The following HS6ST2 variants were observed in gnomAD, a reference collection of about 807,000 sequenced individuals.
HS6ST2 encodes heparan-sulfate 6-O-sulfotransferase 2.
Under a neutral mutation model 33.0 loss-of-function variants are expected in HS6ST2, and 17 were observed. The observed-to-expected ratio is 0.52, with a 90% CI of 0.35 to 0.77. HS6ST2 has a LOEUF of 0.77. Ranked by LOEUF, HS6ST2 falls within the 30% of genes least tolerant of loss-of-function variation. The pLI is 0.01. For missense variants in HS6ST2, 519 were observed against 551.7 expected, an observed-to-expected ratio of 0.94 and a Z score of 0.59; for synonymous variants, 248 against 237.1, an observed-to-expected ratio of 1.05 and a Z score of -0.42.
intron 4 of HS6ST2, among the ~76,000 whole-genome samples, chrX:132,651,575 G>A (rs781075099): frequency 1.7e-4 from 19 of 111,722 alleles, no homozygotes; most frequent in Non-Finnish European, 3.6e-4. Context: ...AAATATGTGG[G>A]GCAAAAACAG....
intron 2 of HS6ST2, among the ~76,000 whole-genome samples, chrX:132,888,149 T>A (rs982037078): frequency 8.9e-6 from 1 of 111,863 alleles, no homozygotes; most frequent in Non-Finnish European, 1.9e-5. Flanking sequence ...GTTGGTAGAT[T>A]TTTTTTAAGA....
chrX:132,690,987 G>A (rs1011303073), intron 3 of HS6ST2, among the ~76,000 whole-genome samples: 1 of 111,695 alleles, frequency 9.0e-6, no homozygotes, highest in Non-Finnish European at 1.9e-5. Context: ...CTATGTTATC[G>A]TTGGTCGCAT....
intron 4 of HS6ST2, among the ~76,000 whole-genome samples, chrX:132,642,098 C>T (rs1233709768): frequency 9.0e-6 from 1 of 111,363 alleles, no homozygotes; most frequent in East Asian, 2.8e-4. Context: ...GGGACCTCCA[C>T]AGAGACAAGA....
In HS6ST2 at chrX:132,814,766, C is replaced by T. The variant is rs147916969; in HGVS notation, c.948-106272G>A. Among the ~76,000 whole-genome samples, 30 of 111,945 alleles carry T rather than the reference C, an allele frequency of 2.7e-4. 1 individual carries two copies. The highest frequency in any genetic ancestry group is 9.4e-4 in the African/African-American group (29 of 30,845). ...GCCCCATCTATATTCAGGCTCGTCT[C>T]CCAGGACATCTTGCAAAACCCTATG... On this transcript the variant is annotated intron_variant, in intron 2 of 4. Coordinates refer to ENST00000370833, the MANE Select transcript of HS6ST2 (RefSeq NM_001394073.1).
rs144125633 is a variant in HS6ST2 at position 132,712,702 on chromosome X, A to C, written c.948-4208T>G. Among the ~76,000 whole-genome samples, 884 of 111,788 alleles carry C rather than the reference A, an allele frequency of 7.9e-3. 7 individuals are homozygous for C. The highest frequency in any genetic ancestry group is 0.027 in the African/African-American group (819 of 30,772). Reference sequence around the variant, plus strand: ...CTGCATGACACTGAAAAGGCAACTTAATCTCTCAGCCCTGATTTCCTCACC... The same window carrying C: ...CTGCATGACACTGAAAAGGCAACTTCATCTCTCAGCCCTGATTTCCTCACC... On this transcript the variant is annotated intron_variant, in intron 2 of 4. Transcript: ENST00000370833.
intron 3 of HS6ST2, among the ~76,000 whole-genome samples, chrX:132,671,583 T>A (rs2063880660): frequency 9.2e-6 from 1 of 109,089 alleles, no homozygotes; most frequent in South Asian, 4.1e-4. Flanking sequence ...CAGTAGGACA[T>A]CAGGGAAAGC....
chrX:132,930,659 T>A (rs1412004338), intron 2 of HS6ST2, among the ~76,000 whole-genome samples: 1 of 111,001 alleles, frequency 9.0e-6, no homozygotes, highest in African/African-American at 3.3e-5. Flanking sequence ...ATTAGGAGGA[T>A]CTCAATACAA....
intron 2 of HS6ST2, among the ~76,000 whole-genome samples, chrX:132,748,681 C>T (rs1205455138): frequency 8.9e-6 from 1 of 111,906 alleles, no homozygotes; most frequent in East Asian, 2.8e-4. Context: ...TGGCTCACTG[C>T]AGCCTTGATC....
chrX:132,641,790 G>T (rs936829803), intron 4 of HS6ST2, among the ~76,000 whole-genome samples: 1 of 111,828 alleles, frequency 8.9e-6, no homozygotes, highest in African/African-American at 3.2e-5. Context: ...CACAGCCTCA[G>T]GAGTCACAGG....
intron 3 of HS6ST2, among the ~76,000 whole-genome samples, chrX:132,691,570 G>A (rs1157875820): frequency 3.6e-5 from 4 of 111,681 alleles, no homozygotes; most frequent in Admixed American, 9.5e-5. Context: ...TAAGCACAGC[G>A]CAACCCCAAA....
intron 3 of HS6ST2, among the ~76,000 whole-genome samples, chrX:132,671,081 T>C (rs2063871832): frequency 8.9e-6 from 1 of 112,654 alleles, no homozygotes; most frequent in Non-Finnish European, 1.9e-5. Flanking sequence ...CATTTGGTGC[T>C]GCCTCTATCC....
Position 132,956,998 on chromosome X carries a change from C to G in HS6ST2, c.757G>C (p.Glu253Gln). The G allele has an allele frequency of 8.3e-7, 1 of 1,211,610 alleles. No individual in the cohort carries two copies. The highest frequency in any genetic ancestry group is 1.1e-6 in the Non-Finnish European group (1 of 895,283). Residue 253 changes from glutamate (E) to glutamine (Q), a missense_variant, in exon 2 of 5, where the codon GAG (glutamate) becomes CAG (glutamine). By Grantham distance (29) the Glu-to-Gln change is conservative. Coordinates refer to ENST00000370833, the MANE Select transcript of HS6ST2 (RefSeq NM_001394073.1). ...GRHLVRNIQL[E>Q]QPCECRVGQK... Reference sequence around the variant, plus strand: ...CCCACGCGGCACTCGCACGGCTGCTCCAGCTGGATGTTACGCACCAAGTGG... The same window carrying G: ...CCCACGCGGCACTCGCACGGCTGCTGCAGCTGGATGTTACGCACCAAGTGG...
At chrX:132,929,151 A>G (rs907951496) in intron 2 of HS6ST2, among the ~76,000 whole-genome samples, 15 of 111,613 alleles carry the variant, frequency 1.3e-4, no homozygotes, top group African/African-American at 4.2e-4. Context: ...TAGTAGACTC[A>G]GTAACATGAT....
At chrX:132,696,954 C>T (rs1318691631) in intron 3 of HS6ST2, among the ~76,000 whole-genome samples, 1 of 112,103 alleles carries the variant, frequency 8.9e-6, no homozygotes, top group Non-Finnish European at 1.9e-5. Context: ...CAAGAATTCA[C>T]TTTTAATTTG....
rs140900506 is a variant in HS6ST2, at chrX:132,817,928, A to G, written c.948-109434T>C. On this transcript the variant is annotated intron_variant, in intron 2 of 4. Transcript: ENST00000370833. ...TTCATGAATCATATTCATGCCTGGC[A>G]AGTGCTACATGCACTTTAGGATTAT... Among the ~76,000 whole-genome samples, 456 of 112,012 alleles carry G rather than the reference A, an allele frequency of 4.1e-3. 1 individual carries two copies. The highest frequency in any genetic ancestry group is 0.014 in the African/African-American group (422 of 30,852).
intron 2 of HS6ST2, among the ~76,000 whole-genome samples, chrX:132,770,058 C>A (rs2064882458): frequency 8.9e-6 from 1 of 111,981 alleles, no homozygotes; most frequent in Non-Finnish European, 1.9e-5. Context: ...CATCACAAAA[C>A]CCTTGGAAGA....
At chrX:132,955,771 A>G (rs1245046874) in intron 2 of HS6ST2, among the ~76,000 whole-genome samples, 1 of 112,058 alleles carries the variant, frequency 8.9e-6, no homozygotes, top group Admixed American at 9.4e-5. Flanking sequence ...CACCCACTTT[A>G]CAGTACTGCA....
At chrX:132,678,479 A>G (rs775000092) in intron 3 of HS6ST2, among the ~76,000 whole-genome samples, 1 of 112,818 alleles carries the variant, frequency 8.9e-6, no homozygotes, top group South Asian at 3.6e-4. Context: ...TGTGTCTGTT[A>G]AAAACACTGA....
Position 132,899,167 on chromosome X carries a change from A to G in HS6ST2, c.947+57641T>C, listed in dbSNP as rs776066953. On this transcript the variant is annotated intron_variant, in intron 2 of 4. Transcript: ENST00000370833. ...TCCAATTAACTGCATGCTGGTTCAA[A>G]GTTTAATAGTATTTAAAGAAATATG... Among the ~76,000 whole-genome samples the G allele has an allele frequency of 4.5e-5, 5 of 111,871 alleles. No homozygotes were observed. The South Asian group carries it at 1.9e-3, about 42-fold the overall frequency.
Sources: gnomAD v4.1 joint callset for allele counts (sites outside exome capture counted in the v4.1 genomes callset) on GRCh38, gnomAD v4.1.1 for gene constraint, MANE v1.5 for transcripts, NCBI Gene and HGNC (gene_info 2026-07-23, HGNC 2026-07-21) for gene names.